The following DLD variants were observed in gnomAD, a reference collection of about 807,000 sequenced individuals.
DLD encodes the protein dihydrolipoamide dehydrogenase, also known as dihydrolipoyl dehydrogenase, mitochondrial.
A neutral mutation model predicts 62.2 loss-of-function variants in DLD; 36 were observed. The observed-to-expected ratio is 0.58, with a 90% CI of 0.44 to 0.76. The LOEUF (loss-of-function observed/expected upper bound fraction) is 0.76, where lower values mean the gene tolerates loss of function less well. DLD is among the 30% of genes least tolerant of loss of function. The pLI, the probability that DLD is intolerant of heterozygous loss-of-function variation, is 0.00. For synonymous variants in DLD, 204 were observed against 199.6 expected, an observed-to-expected ratio of 1.02 and a Z score of -0.19; for missense variants, 541 against 608.6, an observed-to-expected ratio of 0.89 and a Z score of 1.17.
At chr7:107,893,460 A>G (rs923251848) in intron 2 of DLD, 182 bp downstream of exon 2, 10 of 462,338 alleles carry the variant, frequency 2.2e-5, no homozygotes, top group Non-Finnish European at 3.0e-5. Flanking sequence ...ACAAGGTAAA[A>G]AAACCCTGCT....
At chr7:107,895,589 T>A (rs1266895610) in intron 2 of DLD, among the ~76,000 whole-genome samples, 3 of 152,234 alleles carry the variant, frequency 2.0e-5, no homozygotes, top group African/African-American at 2.4e-5. Flanking sequence ...GGCTAACTAC[T>A]GGAGTACCGC....
chr7:107,915,624 AG>A lies in DLD; in HGVS notation c.807del (p.Phe270LeufsTer5). On this transcript the variant is annotated frameshift_variant, in exon 9 of 14. Coordinates refer to ENST00000205402, the MANE Select transcript of DLD (RefSeq NM_000108.5). LOFTEE classifies it high-confidence loss of function. ...SKNFQRILQK[Q>X]GFKFKLNTKV... ...AACTTTCAACGCATCCTTCAAAAAC[AG>A]GGGTTTAAATTTAAATTGAATACAA... 1 of 1,613,764 alleles carries A rather than the reference AG, an allele frequency of 6.2e-7. No individual in the cohort carries two copies. The highest frequency in any genetic ancestry group is 2.2e-5 in the East Asian group (1 of 44,804).
At chr7:107,906,230 C>A in intron 7 of DLD, 37 bp from the exon 8 acceptor site, 1 of 1,388,296 alleles carries the variant, frequency 7.2e-7, no homozygotes, top group South Asian at 1.2e-5. Context: ...TAGGTTTTTT[C>A]AAATTATTTT....
chr7:107,903,607 T>C, intron 5 of DLD, 60 bp downstream of exon 5: 1 of 963,824 alleles, frequency 1.0e-6, no homozygotes, highest in East Asian at 2.5e-5. Flanking sequence ...CTCTTCTGTC[T>C]AAAGACTTAA....
Position 107,893,265 on chromosome 7 carries a change from C to G in DLD, c.105C>G (p.Tyr35Ter), listed in dbSNP as rs747810875. Residue 35 changes from tyrosine to a stop codon, truncating the protein, a stop_gained, in exon 2 of 14, where the codon TAC becomes TAG. Transcript: ENST00000205402. LOFTEE classifies it high-confidence loss of function. ...QGLSAVPLRT[Y>*]ADQPIDADVT... Reference sequence around the variant, plus strand: ...TTTCTGCAGTGCCTCTGAGAACTTACGCAGATCAGCCGAGTAAGTACTTAA... The same window carrying G: ...TTTCTGCAGTGCCTCTGAGAACTTAGGCAGATCAGCCGAGTAAGTACTTAA... The G allele has an allele frequency of 3.1e-6, 5 of 1,612,508 alleles. No individual in the cohort carries two copies. Among genetic ancestry groups the G allele is most frequent in the South Asian group, 1.1e-5 (1 of 90,814 alleles).
rs1214130226 is a variant in DLD at position 107,919,046 on chromosome 7, TTGGAATA to T, written c.1416_1422del (p.Tyr473HisfsTer6). ...AATGGTAAATGAAGCTGCTCTTGCT[TTGGAATA>T]TGGAGCATCCTGTGAAGATATAGCT... On this transcript the variant is annotated frameshift_variant, in exon 13 of 14. Transcript: ENST00000205402. LOFTEE classifies it high-confidence loss of function. The T allele has an allele frequency of 8.7e-6, 14 of 1,613,898 alleles. No homozygotes were observed. Among genetic ancestry groups the T allele is most frequent in the Non-Finnish European group, 1.1e-5 (13 of 1,179,908 alleles).
At position 107,916,876 on chromosome 7, in the gene DLD, A is replaced by G; in HGVS notation, c.958A>G (p.Lys320Glu). The G allele has an allele frequency of 2.5e-6, 4 of 1,613,610 alleles. No homozygotes were observed. The highest frequency in any genetic ancestry group is 2.5e-6 in the Non-Finnish European group (3 of 1,179,946). ...TTGCATTGGCCGACGACCCTTTACT[A>G]AGAATTTGGGACTAGAAGAGCTGGG... ...LVCIGRRPFT[K>E]NLGLEELGIE... The change falls in exon 10 of 14, where the codon AAG (lysine) becomes GAG (glutamate). Residue 320 changes from lysine to glutamate, a missense_variant. Transcript: ENST00000205402.
rs1199296743 is a variant in DLD at position 107,920,357 on chromosome 7, A to T, written c.*1098A>T. 1 of 152,350 alleles carries T rather than the reference A, an allele frequency of 6.6e-6. No homozygotes were observed. The highest frequency in any genetic ancestry group is 1.5e-5 in the Non-Finnish European group (1 of 68,034). 9.4% of individuals were successfully genotyped at this position (152,350 alleles called of 1,614,324 possible). The stretch of plus-strand genomic sequence containing the variant: ...ACTAAATTTAAGAATAATTCAGATT[A>T]AGTAGTTCTGAAATTTGGTATAGAT... On this transcript the variant is annotated 3_prime_UTR_variant, in exon 14 of 14. Coordinates refer to ENST00000205402, the MANE Select transcript of DLD (RefSeq NM_000108.5).
chr7:107,901,848 T>A, intron 3 of DLD, 31 bp downstream of exon 3: 5 of 1,567,240 alleles, frequency 3.2e-6, no homozygotes, highest in Non-Finnish European at 4.4e-6. Context: ...AAGTATTGAT[T>A]TATTTTAATT....
At chr7:107,898,870 C>G (rs377666738) in intron 2 of DLD, among the ~76,000 whole-genome samples, 1 of 151,986 alleles carries the variant, frequency 6.6e-6, no homozygotes, top group Non-Finnish European at 1.5e-5. Flanking sequence ...CCACCACACC[C>G]GGCCCTGATT....
At chr7:107,910,104 C>T (rs920248549) in intron 8 of DLD, among the ~76,000 whole-genome samples, 1 of 152,076 alleles carries the variant, frequency 6.6e-6, no homozygotes, top group Non-Finnish European at 1.5e-5. Context: ...ATCCGTCTGC[C>T]TCGGCCTCCC....
At chr7:107,909,962 C>T (rs2032101213) in intron 8 of DLD, among the ~76,000 whole-genome samples, 1 of 150,438 alleles carries the variant, frequency 6.6e-6, no homozygotes, top group East Asian at 2.0e-4. Context: ...AAGCAATTCT[C>T]CTGCCTCAGC....
At chr7:107,917,122 A>G in intron 10 of DLD, 151 bp from the exon 11 acceptor site, 1 of 1,185,038 alleles carries the variant, frequency 8.4e-7, no homozygotes, top group Non-Finnish European at 1.2e-6. Context: ...TTTTACTCAA[A>G]GATAAGCTGA....
intron 4 of DLD, among the ~76,000 whole-genome samples, chr7:107,902,656 G>T (rs550634989): frequency 1.3e-5 from 2 of 152,310 alleles, no homozygotes; most frequent in East Asian, 3.9e-4. Flanking sequence ...AGACTCTGAT[G>T]TTCTAGTTTT....
In DLD at chr7:107,906,284, A is replaced by T; in HGVS notation, c.600A>T (p.Ile200=). ...TCTTACAGATAGATGAAGATACAAT[A>T]GTGTCATCTACAGGTGCTTTATCTT... ...FPGITIDEDT[I]VSSTGALSLK... The change falls in exon 8 of 14, where the codon ATA becomes ATT. Residue 200 remains isoleucine, a synonymous_variant. Coordinates refer to ENST00000205402, the MANE Select transcript of DLD (RefSeq NM_000108.5). 1 of 1,590,124 alleles carries T rather than the reference A, an allele frequency of 6.3e-7. No homozygotes were observed. The highest frequency in any genetic ancestry group is 8.6e-7 in the Non-Finnish European group (1 of 1,158,240).
chr7:107,902,941 ACTT>A (rs1490863167), intron 4 of DLD, among the ~76,000 whole-genome samples: 1 of 152,060 alleles, frequency 6.6e-6, no homozygotes, highest in East Asian at 1.9e-4. Context: ...CTTTTTTTTA[ACTT>A]CTTTTTAAAT....
intron 8 of DLD, among the ~76,000 whole-genome samples, chr7:107,910,865 C>T (rs1413199515): frequency 1.3e-5 from 2 of 152,150 alleles, no homozygotes; most frequent in Non-Finnish European, 2.9e-5. Flanking sequence ...TCATCACTCC[C>T]TACTTTGAAT....
At chr7:107,904,901 C>A in intron 5 of DLD, 57 bp from the exon 6 acceptor site, 1 of 1,291,104 alleles carries the variant, frequency 7.7e-7, no homozygotes. Flanking sequence ...GTGAAAAACA[C>A]TGCATATTGC....
chr7:107,896,537 A>G (rs1250794705), intron 2 of DLD, among the ~76,000 whole-genome samples: 1 of 152,070 alleles, frequency 6.6e-6, no homozygotes, highest in Non-Finnish European at 1.5e-5. Context: ...ATTTTACTAT[A>G]TTTCTTCTTT....
Sources: allele counts gnomAD v4.1 joint callset (sites outside exome capture counted in the v4.1 genomes callset), GRCh38; gene constraint gnomAD v4.1.1; transcripts MANE v1.5; gene names NCBI Gene and HGNC (gene_info 2026-07-23, HGNC 2026-07-21).